TDRKH: variants seen among roughly 807,000 people sequenced by gnomAD.
TDRKH encodes tudor and KH domain-containing protein.
Under a neutral mutation model 61.3 loss-of-function variants are expected in TDRKH, and 28 were observed. That is an observed-to-expected ratio of 0.46 (90% CI 0.34 to 0.63). The LOEUF (loss-of-function observed/expected upper bound fraction) is 0.63, where lower values mean the gene tolerates loss of function less well. Ranked by LOEUF, TDRKH falls within the 20% of genes least tolerant of loss-of-function variation. The probability of loss-of-function intolerance (pLI) is 0.01; values close to 1 mark genes in which losing one functional copy is unlikely to be tolerated. For synonymous variants in TDRKH, 219 were observed against 244.4 expected (o/e 0.90, Z 0.97); for missense variants, 540 against 683.4 (o/e 0.79, Z 2.34).
downstream of TDRKH, chr1:151,770,402 T>A: frequency 1.6e-6 from 2 of 1,243,604 alleles, no homozygotes; most frequent in South Asian, 1.5e-5. Context: ...ACCACGAAGG[T>A]GGGAAGTTGT....
intron 3 of TDRKH, among the ~76,000 whole-genome samples, chr1:151,780,632 C>T (rs6673917): frequency 0.12 from 18,805 of 152,100 alleles, 1,283 homozygotes; most frequent in Non-Finnish European, 0.15. Context: ...GGCTGGATCA[C>T]GAGGTCAGGA....
intron 1 of TDRKH, among the ~76,000 whole-genome samples, chr1:151,788,723 C>T (rs1180449030): frequency 6.6e-6 from 1 of 152,176 alleles, no homozygotes; most frequent in Non-Finnish European, 1.5e-5. Flanking sequence ...GATGGCCAGT[C>T]ATAATCACAC....
rs544967067 is a variant in TDRKH, at chr1:151,785,233, C to T, written c.-27-2184G>A. ...AGGTGTGAACCACTGTGCTCTGCCT[C>T]GACTGCATTCTCTTACTCCCTTAGT... On this transcript the variant is annotated intron_variant, in intron 1 of 12. Coordinates refer to ENST00000368824, the MANE Select transcript of TDRKH (RefSeq NM_001083965.2). Among the ~76,000 whole-genome samples, 4 of 152,200 alleles carry T rather than the reference C, an allele frequency of 2.6e-5. No homozygotes were observed. The East Asian group carries it at 7.7e-4, about 29-fold the overall frequency.
At chr1:151,772,977 C>A (rs1648815161), downstream of TDRKH, among the ~76,000 whole-genome samples, 1 of 152,142 alleles carries the variant, frequency 6.6e-6, no homozygotes, top group Admixed American at 6.5e-5. Context: ...GATTCTTGTG[C>A]CTCAGCCTCC....
intron 2 of TDRKH, 97 bp from the exon 3 acceptor site, chr1:151,781,684 G>T: frequency 2.0e-6 from 2 of 997,604 alleles, no homozygotes. Context: ...AAGAGACACT[G>T]ATCCAAGAGA....
chr1:151,774,231 C>T lies in TDRKH; in HGVS notation c.*221G>A. The T allele has an allele frequency of 1.8e-6, 1 of 566,122 alleles. No individual in the cohort carries two copies. The highest frequency in any genetic ancestry group is 3.1e-6 in the Non-Finnish European group (1 of 321,380). 35.1% of individuals were successfully genotyped at this position (566,122 alleles called of 1,614,324 possible). On this transcript the variant is annotated 3_prime_UTR_variant, in exon 13 of 13. Transcript: ENST00000368824. ...GCACCAATTCCTATGCCAAATCCTGCCAAAGACAGAAATACACAAAAAGCT... is the reference window on the plus strand; with the variant it reads ...GCACCAATTCCTATGCCAAATCCTGTCAAAGACAGAAATACACAAAAAGCT...
Position 151,778,792 on chromosome 1 carries a change from C to T in TDRKH, c.776G>A (p.Gly259Asp). Reference protein sequence around the residue: ...PLVTPPPKGGGDMAVVVSKEG... With the variant: ...PLVTPPPKGGDDMAVVVSKEG... ...CTTTGACACTACCACAGCCATGTCG[C>T]CTCCTCCTTTGGGTGGAGGAGTCAC... The change falls in exon 6 of 13, where the codon GGC becomes GAC. Residue 259 changes from glycine to aspartate, a missense_variant. Coordinates refer to ENST00000368824, the MANE Select transcript of TDRKH (RefSeq NM_001083965.2). The T allele has an allele frequency of 6.2e-7, 1 of 1,614,222 alleles. No homozygotes were observed.
At chr1:151,774,996 T>G in intron 11 of TDRKH, 69 bp downstream of exon 11, 1 of 1,502,480 alleles carries the variant, frequency 6.7e-7, no homozygotes, top group East Asian at 2.3e-5. Flanking sequence ...GTATCAGGAC[T>G]AGAAGCCCTT....
At chr1:151,779,736 G>T (rs1303882634) in intron 4 of TDRKH, 3 of 505,158 alleles carry the variant, frequency 5.9e-6, no homozygotes, top group African/African-American at 1.9e-5. Flanking sequence ...AACCCTTAAA[G>T]AATCAATTTG....
At position 151,776,110 on chromosome 1, in the gene TDRKH, G is replaced by A. The variant is rs1649147275; in HGVS notation, c.1203C>T (p.Asp401=). 2 of 1,613,604 alleles carry A rather than the reference G, an allele frequency of 1.2e-6. No individual in the cohort carries two copies. Among genetic ancestry groups the A allele is most frequent in the Non-Finnish European group, 1.7e-6 (2 of 1,179,700 alleles). ...FGDNGDCPLK[D]LRALRSDFLS... is the part of the protein sequence containing the mutation. ...TCAGCACTGACCTGAGAGCCCTGAGGTCCTTCAGTGGGCAATCTCCATTAT... is the reference window on the plus strand; with the variant it reads ...TCAGCACTGACCTGAGAGCCCTGAGATCCTTCAGTGGGCAATCTCCATTAT... Residue 401 remains aspartate (D), a synonymous_variant, in exon 8 of 13, where the codon GAC becomes GAT. Coordinates refer to ENST00000368824, the MANE Select transcript of TDRKH (RefSeq NM_001083965.2).
chr1:151,772,038 G>C (rs1423435215), downstream of TDRKH: 3 of 398,258 alleles, frequency 7.5e-6, no homozygotes, highest in African/African-American at 6.2e-5. Context: ...AAGAGTACCT[G>C]AACTACTCAC....
chr1:151,780,140 G>A lies in TDRKH; in HGVS notation c.232C>T (p.Leu78=), dbSNP rs769322444. The change falls in exon 4 of 13, where the codon CTG becomes TTG. Residue 78 remains leucine, a splice_region_variant and synonymous_variant. Coordinates refer to ENST00000368824, the MANE Select transcript of TDRKH (RefSeq NM_001083965.2). ...ATCCGAGCACCTGTCTGTTTCCGCA[G>A]CTGCAAAGAAAAGGACATTTGGCAG... ...IGRQGANIKQ[L]RKQTGARIDV... 7 of 1,608,658 alleles carry A rather than the reference G, an allele frequency of 4.4e-6. No individual in the cohort carries two copies. The South Asian group carries it at 5.5e-5, about 13-fold the overall frequency.
downstream of TDRKH, chr1:151,771,786 T>G (rs934143063): frequency 7.1e-5 from 28 of 395,038 alleles, no homozygotes; most frequent in Non-Finnish European, 8.0e-5. Flanking sequence ...AGGTAAGACT[T>G]AAAGGCATAT....
At chr1:151,769,187 C>G (rs1229127971), downstream of TDRKH, among the ~76,000 whole-genome samples, 2 of 152,024 alleles carry the variant, frequency 1.3e-5, no homozygotes, top group Non-Finnish European at 2.9e-5. Flanking sequence ...GTACACCTCC[C>G]AGACGGTGTG....
chr1:151,771,103 A>G (rs758465808), downstream of TDRKH: 22 of 1,603,250 alleles, frequency 1.4e-5, no homozygotes, highest in Non-Finnish European at 1.6e-5. Context: ...CTTCAGCTAC[A>G]TGGGCTTTGA....
downstream of TDRKH, chr1:151,770,926 A>C: frequency 1.1e-5 from 12 of 1,088,474 alleles, no homozygotes; most frequent in Non-Finnish European, 1.5e-5. Flanking sequence ...AACCAGAGTT[A>C]GAGCCTAGGT....
chr1:151,780,666 T>C (rs1201238917), intron 3 of TDRKH, among the ~76,000 whole-genome samples: 1 of 151,996 alleles, frequency 6.6e-6, no homozygotes, highest in African/African-American at 2.4e-5. Context: ...CTGGCTAACA[T>C]GGTGAAACCC....
chr1:151,779,187 G>A lies in TDRKH; in HGVS notation c.477C>T (p.Thr159=). The part of the protein sequence containing the change: ...SICKASGAKI[T]CDKESEGTLL... The stretch of plus-strand genomic sequence containing the variant: ...ATGTCCCTTCTGATTCTTTGTCACA[G>A]GTAATTTTGGCTCCAGATGCCTTAC... The change falls in exon 5 of 13, where the codon ACC becomes ACT. Residue 159 remains threonine, a synonymous_variant. Coordinates refer to ENST00000368824, the MANE Select transcript of TDRKH (RefSeq NM_001083965.2). 1 of 1,614,140 alleles carries A rather than the reference G, an allele frequency of 6.2e-7. No homozygotes were observed. The highest frequency in any genetic ancestry group is 1.1e-5 in the South Asian group (1 of 91,076).
rs376948678 is a variant in TDRKH, at chr1:151,778,647, A to G, written c.883+38T>C. 16 of 1,605,842 alleles carry G rather than the reference A, an allele frequency of 1.0e-5. No individual in the cohort carries two copies. In the African/African-American group the frequency reaches 1.5e-4, roughly 15 times the overall value. On this transcript the variant is annotated intron_variant, in intron 6 of 12. Coordinates refer to ENST00000368824, the MANE Select transcript of TDRKH (RefSeq NM_001083965.2). ...CTCCAATATCTAAGCCAGTATTTCT[A>G]TCTTCAATGATTAATGGGCTCCCTC...
Sources: allele counts gnomAD v4.1 joint callset (sites outside exome capture counted in the v4.1 genomes callset), GRCh38; gene constraint gnomAD v4.1.1; transcripts MANE v1.5; gene names NCBI Gene and HGNC (gene_info 2026-07-23, HGNC 2026-07-21).